The following SV2C variants were observed in gnomAD, a reference collection of about 807,000 sequenced individuals.
SV2C encodes the protein solute carrier family 22 member B3.
SV2C carries 49 observed loss-of-function variants against 79.7 expected under a neutral mutation model. That is an observed-to-expected ratio of 0.61 (90% CI 0.49 to 0.78). The LOEUF is 0.78. SV2C is among the 30% of genes least tolerant of loss of function. The pLI is 0.00. For synonymous variants in SV2C, 334 were observed against 333.2 expected, an observed-to-expected ratio of 1.00 and a Z score of -0.03; for missense variants, 833 against 912.9, an observed-to-expected ratio of 0.91 and a Z score of 1.13.
intron 4 of SV2C, among the ~76,000 whole-genome samples, chr5:76,245,936 ATGTGTG>A (rs60767964): frequency 3.1e-5 from 4 of 129,048 alleles, no homozygotes; most frequent in South Asian, 4.8e-4. Context: ...GTGTGTGTGT[ATGTGTG>A]TGTGTGTGTG....
At chr5:75,959,016 A>T in the SV2C span, among the ~76,000 whole-genome samples, 1 of 151,948 alleles carries the variant, frequency 6.6e-6, no homozygotes, top group African/African-American at 2.4e-5. Flanking sequence ...CTCATGCTAA[A>T]ACTGTGACAG....
rs142883862 is a variant in SV2C at position 76,285,556 on chromosome 5, C to A, written c.1048-225C>A. ...GAAAACATGATTTATTGTTTTATAG[C>A]GAAATTTTACCATCTGGAGATACTA... On this transcript the variant is annotated intron_variant, in intron 5 of 12. Transcript: ENST00000502798. The A allele has an allele frequency of 4.9e-6, 3 of 615,726 alleles. No homozygotes were observed. The South Asian group carries it at 6.8e-5, about 14-fold the overall frequency. 38.1% of individuals were successfully genotyped at this position (615,726 alleles called of 1,614,324 possible).
rs58302791 is a variant in SV2C, at chr5:76,094,234, A to G, written c.-102+10722A>G. ...CACAGAAAACATAGATTATAAATAT[A>G]TAGCTGGATCAGTTTGACAGGTGTA... On this transcript the variant is annotated intron_variant, in intron 1 of 12. Coordinates refer to ENST00000502798, the MANE Select transcript of SV2C (RefSeq NM_014979.4). Among the ~76,000 whole-genome samples, 1,261 of 152,310 alleles carry G rather than the reference A, an allele frequency of 8.3e-3. 16 individuals carry two copies. Among genetic ancestry groups the G allele is most frequent in the African/African-American group, 0.029 (1,186 of 41,564 alleles).
intron 2 of SV2C, among the ~76,000 whole-genome samples, chr5:76,193,109 C>T (rs141744556): frequency 9.3e-4 from 141 of 152,264 alleles, no homozygotes; most frequent in Non-Finnish European, 1.3e-3. Context: ...CTCTGAATTA[C>T]GAGCTCCTTA....
At chr5:75,981,628 A>G in the SV2C span, among the ~76,000 whole-genome samples, 4 of 152,180 alleles carry the variant, frequency 2.6e-5, no homozygotes, top group African/African-American at 9.7e-5. Context: ...AGGACTCCCT[A>G]TTTGACAAAT....
chr5:75,989,244 T>C, the SV2C span, among the ~76,000 whole-genome samples: 3 of 151,888 alleles, frequency 2.0e-5, no homozygotes, highest in African/African-American at 7.3e-5. Context: ...AAAGATTATC[T>C]CATCACCTAG....
At chr5:76,044,083 C>T in the SV2C span, among the ~76,000 whole-genome samples, 3 of 152,114 alleles carry the variant, frequency 2.0e-5, no homozygotes, top group African/African-American at 7.2e-5. Flanking sequence ...CTCCAACAGG[C>T]CCCAGTGTGT....
the SV2C span, among the ~76,000 whole-genome samples, chr5:75,960,846 G>C: frequency 6.6e-6 from 1 of 151,930 alleles, no homozygotes; most frequent in Admixed American, 6.6e-5. Context: ...TCTACAGACT[G>C]TTTGTATTAG....
chr5:76,099,365 CGT>C (rs10582798), intron 1 of SV2C, among the ~76,000 whole-genome samples: 4,371 of 148,308 alleles, frequency 0.029, 177 homozygotes, highest in African/African-American at 0.092. Context: ...TTCTTTTGCT[CGT>C]GTGTGTGTGT....
chr5:75,883,465 T>G, the SV2C span, among the ~76,000 whole-genome samples: 1 of 141,452 alleles, frequency 7.1e-6, no homozygotes, highest in East Asian at 2.0e-4. Flanking sequence ...TAGACTGGAT[T>G]AAGAAAATGT....
At chr5:76,248,373 C>G (rs1232678169) in intron 4 of SV2C, among the ~76,000 whole-genome samples, 2 of 152,182 alleles carry the variant, frequency 1.3e-5, no homozygotes, top group African/African-American at 2.4e-5. Flanking sequence ...GCTGTGTTCT[C>G]ACATGGTCAT....
chr5:76,307,358 C>CAGAT (rs1748229811), intron 12 of SV2C, among the ~76,000 whole-genome samples: 1 of 152,164 alleles, frequency 6.6e-6, no homozygotes, highest in Non-Finnish European at 1.5e-5. Context: ...GAACAAAAAG[C>CAGAT]AGATAGCCCT....
In SV2C at chr5:76,173,846, A is replaced by G. The variant is rs369785583; in HGVS notation, c.581-21073A>G. On this transcript the variant is annotated intron_variant, in intron 2 of 12. Coordinates refer to ENST00000502798, the MANE Select transcript of SV2C (RefSeq NM_014979.4). ...TTCCAAGTCACACTTATTACCAACA[A>G]GAATCATTGGAACATCATCAGTGTC... is the stretch of plus-strand genomic sequence containing the variant. The G allele has an allele frequency of 2.5e-5, 40 of 1,598,484 alleles. No homozygotes were observed. In the African/African-American group the frequency reaches 5.1e-4, roughly 20 times the overall value.
intron 4 of SV2C, among the ~76,000 whole-genome samples, chr5:76,276,234 T>C (rs919325541): frequency 2.6e-5 from 4 of 152,244 alleles, no homozygotes; most frequent in Non-Finnish European, 4.4e-5. Flanking sequence ...TTCGTTCTTA[T>C]ATCTATGTTT....
the SV2C span, among the ~76,000 whole-genome samples, chr5:76,031,399 T>A: frequency 2.6e-5 from 4 of 152,246 alleles, no homozygotes; most frequent in Non-Finnish European, 5.9e-5. Context: ...ACGGCAATGC[T>A]GGCTGTCGCT....
intron 3 of SV2C, among the ~76,000 whole-genome samples, chr5:76,198,000 A>T (rs1744325402): frequency 6.6e-6 from 1 of 152,176 alleles, no homozygotes; most frequent in African/African-American, 2.4e-5. Flanking sequence ...GAGAGGAAGG[A>T]TGTCCCAGCT....
intron 2 of SV2C, among the ~76,000 whole-genome samples, chr5:76,141,552 G>A (rs943270372): frequency 2.0e-5 from 3 of 152,036 alleles, no homozygotes; most frequent in Non-Finnish European, 2.9e-5. Context: ...AGCCAGGCGC[G>A]GTGGCTCACA....
rs116311318 is a variant in SV2C at position 76,325,754 on chromosome 5, T to G, written c.*207T>G. ...GTTTGTTTGTTTTGTTTTGTTTGAA[T>G]GCATTGTTATCTTTCCAAACTGTGA... On this transcript the variant is annotated 3_prime_UTR_variant, in exon 13 of 13. Transcript: ENST00000502798. 2,032 of 655,202 alleles carry G rather than the reference T, an allele frequency of 3.1e-3. 36 individuals carry two copies. The African/African-American group carries it at 0.034, about 11-fold the overall frequency. 40.6% of individuals were successfully genotyped at this position (655,202 alleles called of 1,614,324 possible).
intron 2 of SV2C, among the ~76,000 whole-genome samples, chr5:76,175,478 G>A (rs1368218155): frequency 6.6e-6 from 1 of 152,146 alleles, no homozygotes; most frequent in Non-Finnish European, 1.5e-5. Flanking sequence ...TGAATGTTTA[G>A]GTATTAGTGA....
Sources: allele counts gnomAD v4.1 joint callset (sites outside exome capture counted in the v4.1 genomes callset), GRCh38; gene constraint gnomAD v4.1.1; transcripts MANE v1.5; gene names NCBI Gene and HGNC (gene_info 2026-07-23, HGNC 2026-07-21).